Variants in CAPS2 observed in about 807,000 individuals in gnomAD.
The protein encoded by CAPS2 is calcyphosin-2.
Under a neutral mutation model 86.5 loss-of-function variants are expected in CAPS2, and 98 were observed. The ratio of observed to expected loss-of-function variants is 1.13; its 90% CI spans 0.96 to 1.34. The LOEUF is 1.34. Among genes scored for constraint, CAPS2 ranks in the 40% most tolerant of loss-of-function variants. The probability of loss-of-function intolerance (pLI) is 0.00; values close to 1 mark genes in which losing one functional copy is unlikely to be tolerated. For missense variants in CAPS2, 729 were observed against 686.8 expected (o/e 1.06, Z -0.69); for synonymous variants, 210 against 225.1 (o/e 0.93, Z 0.60).
At chr12:75,375,147 C>G (rs2044584112) in intron 1 of CAPS2, among the ~76,000 whole-genome samples, 1 of 152,150 alleles carries the variant, frequency 6.6e-6, no homozygotes, top group Non-Finnish European at 1.5e-5. Context: ...CCCTATTGGT[C>G]AGGGAGCCAA....
In CAPS2 at chr12:75,362,389, T is replaced by A. The variant is rs759459145; in HGVS notation, c.-395+28449A>T. On this transcript the variant is annotated intron_variant, in intron 1 of 5. Coordinates refer to the CAPS2 transcript ENST00000551829. ...CAATGTGAGGGCCATGGTATTCTCA[T>A]GCACTGTTAGATCTGTGTCCCTATA... Among the ~76,000 whole-genome samples, 106 of 152,316 alleles carry A rather than the reference T, an allele frequency of 7.0e-4. 1 individual carries two copies. The highest frequency in any genetic ancestry group is 3.7e-3 in the South Asian group (18 of 4,826).
intron 1 of CAPS2, among the ~76,000 whole-genome samples, chr12:75,367,268 G>GAAAA (rs35250320): frequency 1.8e-4 from 16 of 88,730 alleles, no homozygotes; most frequent in East Asian, 6.7e-4. Context: ...TTCCTAGGAG[G>GAAAA]AAAAAAAAAA....
chr12:75,374,881 A>G (rs1345806873), intron 1 of CAPS2, among the ~76,000 whole-genome samples: 2 of 152,220 alleles, frequency 1.3e-5, no homozygotes, highest in African/African-American at 4.8e-5. Flanking sequence ...AGCTGCAATT[A>G]GAGTCAACAC....
At chr12:75,291,589 A>ATTTT (rs1565794022) in intron 13 of CAPS2, among the ~76,000 whole-genome samples, 155 bp downstream of exon 13, 6 of 93,904 alleles carry the variant, frequency 6.4e-5, no homozygotes, top group African/African-American at 1.7e-4. Flanking sequence ...ATATATATAT[A>ATTTT]TATATATATA....
chr12:75,381,406 C>T (rs1008275857), intron 1 of CAPS2, among the ~76,000 whole-genome samples: 4 of 151,978 alleles, frequency 2.6e-5, no homozygotes, highest in African/African-American at 9.7e-5. Context: ...AATACAGCGA[C>T]AAACGATACT....
upstream of CAPS2, among the ~76,000 whole-genome samples, chr12:75,331,873 T>C (rs2041351909): frequency 2.6e-5 from 4 of 152,226 alleles, no homozygotes; most frequent in Admixed American, 2.6e-4. Context: ...TAAATTTAAC[T>C]TTTAAAAAGT....
intron 1 of CAPS2, among the ~76,000 whole-genome samples, chr12:75,377,457 A>G (rs2044708728): frequency 6.6e-6 from 1 of 152,176 alleles, no homozygotes; most frequent in Non-Finnish European, 1.5e-5. Flanking sequence ...CAAAACCCCA[A>G]AAGTCAGGAA....
upstream of CAPS2, among the ~76,000 whole-genome samples, chr12:75,331,595 G>A (rs180770172): frequency 9.7e-4 from 146 of 150,072 alleles, no homozygotes; most frequent in Middle Eastern, 3.5e-3. Context: ...ACGGAGTCTC[G>A]CTCTGTCGCC....
chr12:75,289,704 A>T, exon 14 of CAPS2: 1 of 1,613,118 alleles, frequency 6.2e-7, no homozygotes, highest in Non-Finnish European at 8.5e-7. Flanking sequence ...TCCTTGTCCA[A>T]CTGTTGAAAA....
At chr12:75,340,519 CT>C (rs1368502460) in intron 1 of CAPS2, among the ~76,000 whole-genome samples, 1 of 151,780 alleles carries the variant, frequency 6.6e-6, no homozygotes, top group Admixed American at 6.6e-5. Context: ...ATGAAACTTC[CT>C]CATATAATGA....
intron 1 of CAPS2, among the ~76,000 whole-genome samples, chr12:75,383,604 C>T (rs2045121053): frequency 6.6e-6 from 1 of 152,126 alleles, no homozygotes; most frequent in African/African-American, 2.4e-5. Flanking sequence ...TTCAAAACAC[C>T]TCTATCTGAA....
intron 1 of CAPS2, among the ~76,000 whole-genome samples, chr12:75,361,622 C>T (rs2043599171): frequency 6.6e-6 from 1 of 152,188 alleles, no homozygotes. Context: ...CCTCAGGAAA[C>T]TTACAATCAT....
At chr12:75,305,505 C>A (rs2038350917) in intron 7 of CAPS2, 1 of 603,694 alleles carries the variant, frequency 1.7e-6, no homozygotes, top group African/African-American at 1.8e-5. Context: ...CCTCCAGCTC[C>A]GAGGTGCATA....
intron 1 of CAPS2, chr12:75,373,561 A>G (rs4623941): frequency 0.3 from 45,682 of 152,110 alleles, 7,953 homozygotes; most frequent in East Asian, 0.45. Context: ...AGCCAGGTGC[A>G]TTGCTCAAAG....
At chr12:75,363,023 A>C in intron 1 of CAPS2, 2 of 634,122 alleles carry the variant, frequency 3.2e-6, no homozygotes, top group East Asian at 3.1e-5. Context: ...TAAATGACTA[A>C]AACAACTTGC....
At chr12:75,276,265 T>C, downstream of CAPS2, 1 of 1,538,838 alleles carries the variant, frequency 6.5e-7, no homozygotes, top group East Asian at 2.5e-5. Flanking sequence ...TGATTATAGT[T>C]TATCAGGGTA....
exon 17 of CAPS2, chr12:75,277,870 G>T: frequency 5.6e-6 from 5 of 896,700 alleles, no homozygotes; most frequent in Non-Finnish European, 5.3e-6. Flanking sequence ...GACTAGCAAA[G>T]AATTTAGAAA....
In CAPS2 at chr12:75,295,991, T is replaced by C. The variant is rs531381871; in HGVS notation, c.1045-2624A>G. 3.3e-4 allele frequency among the ~76,000 whole-genome samples: 50 copies of C among 152,228 alleles called. 1 individual carries two copies. In the South Asian group the frequency reaches 9.5e-3, roughly 29 times the overall value. ...TATAAAAAGGAAGAGCCAAAGAATCTGCAATTCAGATTGGAAGATGGAGAA... is the reference window on the plus strand; with the variant it reads ...TATAAAAAGGAAGAGCCAAAGAATCCGCAATTCAGATTGGAAGATGGAGAA... On this transcript the variant is annotated intron_variant, in intron 11 of 16. Transcript: ENST00000393284.
intron 16 of CAPS2, 64 bp from the exon 17 acceptor site, chr12:75,279,129 T>C (rs780306961): frequency 4.5e-6 from 6 of 1,331,802 alleles, no homozygotes; most frequent in Non-Finnish European, 6.1e-6. Context: ...CTGATGATGA[T>C]AAAGGAATAC....
Sources: gnomAD v4.1 joint callset for allele counts (sites outside exome capture counted in the v4.1 genomes callset) on GRCh38, gnomAD v4.1.1 for gene constraint, MANE v1.5 for transcripts, NCBI Gene and HGNC (gene_info 2026-07-23, HGNC 2026-07-21) for gene names.